Variants in IKZF3 observed in about 807,000 individuals in gnomAD.
IKZF3 encodes the protein IKAROS family zinc finger 3, also known as zinc finger protein Aiolos.
Under a neutral mutation model 49.0 loss-of-function variants are expected in IKZF3, and 10 were observed. The ratio of observed to expected loss-of-function variants is 0.20; its 90% CI spans 0.13 to 0.35. The LOEUF is 0.35. Ranked by LOEUF, IKZF3 falls within the 10% of genes least tolerant of loss-of-function variation. IKZF3 has a pLI of 1.00. For missense variants in IKZF3, 498 were observed against 664.8 expected (o/e 0.75, Z 2.76); for synonymous variants, 209 against 228.2 (o/e 0.92, Z 0.76).
At chr17:39,804,880 CT>C (rs976886974) in intron 3 of IKZF3, among the ~76,000 whole-genome samples, 5 of 152,114 alleles carry the variant, frequency 3.3e-5, no homozygotes, top group Non-Finnish European at 7.4e-5. Flanking sequence ...TTTCTTGAAA[CT>C]TTTGCCTTTT....
intron 3 of IKZF3, among the ~76,000 whole-genome samples, chr17:39,826,243 A>G (rs547253276): frequency 1.8e-4 from 27 of 152,224 alleles, no homozygotes; most frequent in Admixed American, 9.2e-4. Context: ...AGGTCTCACT[A>G]TATTGCCCAG....
rs372347050 is a variant in IKZF3, at chr17:39,813,284, T to C, written c.163+16103A>G. 1.6e-3 allele frequency among the ~76,000 whole-genome samples: 243 copies of C among 149,634 alleles called. 1 individual carries two copies. The highest frequency in any genetic ancestry group is 5.8e-3 in the African/African-American group (236 of 40,496). ...CCTACACATTCCTTTTAGTTTGCTGTGCTACGCAGCTTAGTTATGAAAAAA... is the reference window on the plus strand; with the variant it reads ...CCTACACATTCCTTTTAGTTTGCTGCGCTACGCAGCTTAGTTATGAAAAAA... On this transcript the variant is annotated intron_variant, in intron 3 of 7. Coordinates refer to ENST00000346872, the MANE Select transcript of IKZF3 (RefSeq NM_012481.5).
rs374969213 is a variant in IKZF3, at chr17:39,832,148, A to G, written c.11T>C (p.Ile4Thr). Reference protein sequence around the residue: MEDIQTNAELKSTQ... With the variant: MEDTQTNAELKSTQ... ...GCTTTTCAGTTCCGCATTTGTTTGT[A>G]TATCTGAAAAGAAAGAGGTTATAAA... Residue 4 changes from isoleucine (I) to threonine (T), a missense_variant, in exon 2 of 8, where the codon ATA (isoleucine) becomes ACA (threonine). By Grantham distance (89) the Ile-to-Thr change is moderately conservative. Transcript: ENST00000346872. 63 of 1,611,014 alleles carry G rather than the reference A, an allele frequency of 3.9e-5. No homozygotes were observed. The highest frequency in any genetic ancestry group is 6.7e-5 in the African/African-American group (5 of 74,838).
intron 1 of IKZF3, among the ~76,000 whole-genome samples, chr17:39,859,340 T>G (rs2063153537): frequency 6.6e-6 from 1 of 151,710 alleles, no homozygotes; most frequent in South Asian, 2.1e-4. Flanking sequence ...TTGCATCTTT[T>G]TTTTAGTGAT....
At chr17:39,773,347 G>A (rs2060492303) in intron 7 of IKZF3, among the ~76,000 whole-genome samples, 1 of 152,200 alleles carries the variant, frequency 6.6e-6, no homozygotes, top group Admixed American at 6.5e-5. Flanking sequence ...AAAATACTAT[G>A]ACATTGTAAT....
At chr17:39,838,451 G>C (rs2062366987) in intron 1 of IKZF3, among the ~76,000 whole-genome samples, 2 of 152,034 alleles carry the variant, frequency 1.3e-5, no homozygotes, top group Admixed American at 1.3e-4. Flanking sequence ...TTTAGTTCTA[G>C]AATTTCCATT....
At position 39,760,261 on chromosome 17, in the gene IKZF3, A is replaced by T. The variant is rs1232793109; in HGVS notation, c.*5529T>A. On this transcript the variant is annotated 3_prime_UTR_variant, in exon 8 of 8. Transcript: ENST00000346872. ...AACCTCCACCTCCCAGGTTCAAGCA[A>T]TTCTCCTGCGTCAGCCTCCCGAGTA... 1 of 150,164 alleles carries T rather than the reference A, an allele frequency of 6.7e-6. No homozygotes were observed. The highest frequency in any genetic ancestry group is 2.5e-5 in the African/African-American group (1 of 40,364). 9.3% of individuals were successfully genotyped at this position (150,164 alleles called of 1,614,324 possible). A position where few individuals can be genotyped will look rare whatever the true frequency, so the allele number is the denominator to read the frequency against.
At chr17:39,839,702 G>A (rs2062408962) in intron 1 of IKZF3, among the ~76,000 whole-genome samples, 1 of 151,966 alleles carries the variant, frequency 6.6e-6, no homozygotes, top group Non-Finnish European at 1.5e-5. Context: ...TGCCTCCTGA[G>A]TAGCCGGGAC....
At chr17:39,863,355 G>T (rs1029503739) in intron 1 of IKZF3, among the ~76,000 whole-genome samples, 1 of 152,038 alleles carries the variant, frequency 6.6e-6, no homozygotes, top group Non-Finnish European at 1.5e-5. Context: ...TAACATTTTA[G>T]TTAGGTGTCA....
chr17:39,818,926 C>G (rs1828346760), intron 3 of IKZF3, among the ~76,000 whole-genome samples: 1 of 149,984 alleles, frequency 6.7e-6, no homozygotes, highest in Non-Finnish European at 1.5e-5. Flanking sequence ...TGTTTCTTTT[C>G]TCTTTCCCAA....
chr17:39,793,201 G>C (rs1018849142), intron 3 of IKZF3, among the ~76,000 whole-genome samples: 4 of 152,160 alleles, frequency 2.6e-5, no homozygotes, highest in Non-Finnish European at 5.9e-5. Context: ...ATAGATTTTA[G>C]CTAAGTTTGC....
chr17:39,811,064 A>AC (rs1317765660), intron 3 of IKZF3, among the ~76,000 whole-genome samples: 2 of 151,768 alleles, frequency 1.3e-5, no homozygotes, highest in Non-Finnish European at 2.9e-5. Flanking sequence ...ACACAGTGAG[A>AC]CCCCTCTACA....
intron 3 of IKZF3, among the ~76,000 whole-genome samples, chr17:39,822,742 C>T (rs146459536): frequency 0.059 from 9,024 of 151,952 alleles, 408 homozygotes; most frequent in Non-Finnish European, 0.079. Flanking sequence ...ACCACCACGC[C>T]CAGCTAATTT....
At chr17:39,768,612 C>A (rs1218821416) in intron 7 of IKZF3, among the ~76,000 whole-genome samples, 1 of 152,168 alleles carries the variant, frequency 6.6e-6, no homozygotes, top group Non-Finnish European at 1.5e-5. Flanking sequence ...AACCTATGTT[C>A]CGTGTCCTCA....
chr17:39,836,232 G>A (rs1253823671), intron 1 of IKZF3, among the ~76,000 whole-genome samples: 3 of 152,176 alleles, frequency 2.0e-5, no homozygotes, highest in African/African-American at 4.8e-5. Context: ...CCACCAGCTC[G>A]GCCATAGCCT....
intron 5 of IKZF3, among the ~76,000 whole-genome samples, chr17:39,789,208 T>C (rs1195208106): frequency 6.6e-6 from 1 of 152,128 alleles, no homozygotes; most frequent in Admixed American, 6.5e-5. Flanking sequence ...AGTGGGAGGA[T>C]CACCTGAGGT....
chr17:39,841,516 G>A (rs2062466982), intron 1 of IKZF3, among the ~76,000 whole-genome samples: 1 of 152,130 alleles, frequency 6.6e-6, no homozygotes, highest in Non-Finnish European at 1.5e-5. Context: ...GGAGGCCACA[G>A]TACGGGATTA....
At chr17:39,783,137 T>C (rs1466893791) in intron 6 of IKZF3, among the ~76,000 whole-genome samples, 1 of 152,222 alleles carries the variant, frequency 6.6e-6, no homozygotes, top group African/African-American at 2.4e-5. Context: ...TAAGAGGTAT[T>C]GCTTCCTGTC....
intron 3 of IKZF3, among the ~76,000 whole-genome samples, chr17:39,819,614 A>G (rs2061755814): frequency 6.6e-6 from 1 of 152,224 alleles, no homozygotes; most frequent in African/African-American, 2.4e-5. Context: ...TTTTAGACAA[A>G]TAACTCAATT....
Sources: allele counts gnomAD v4.1 joint callset (sites outside exome capture counted in the v4.1 genomes callset), GRCh38; gene constraint gnomAD v4.1.1; transcripts MANE v1.5; gene names NCBI Gene and HGNC (gene_info 2026-07-23, HGNC 2026-07-21).